The following SYNJ2 variants were observed in gnomAD, a reference collection of about 807,000 sequenced individuals.
SYNJ2 encodes synaptojanin 2, also known as polyphosphatidylinositol phosphatase SYNJ2.
In SYNJ2, 116 loss-of-function variants were observed where a neutral mutation model predicts 141.3. The observed-to-expected ratio is 0.82, with a 90% confidence interval of 0.71 to 0.96. The LOEUF (loss-of-function observed/expected upper bound fraction) is 0.96. Among genes scored for constraint, SYNJ2 ranks in the 40% least tolerant of loss-of-function variants. SYNJ2 has a pLI of 0.00. For missense variants in SYNJ2, 1,873 were observed against 1,934.8 expected, an observed-to-expected ratio of 0.97 and a Z score of 0.60; for synonymous variants, 745 against 777.7, an observed-to-expected ratio of 0.96 and a Z score of 0.70.
At chr6:158,080,495 AAC>A (rs2128387503) in intron 18 of SYNJ2, among the ~76,000 whole-genome samples, 1 of 144,210 alleles carries the variant, frequency 6.9e-6, no homozygotes, top group East Asian at 2.0e-4. Context: ...AAAAAAAAAA[AAC>A]GAGCATTTCC....
chr6:158,005,231 C>T (rs1055635167), intron 1 of SYNJ2, among the ~76,000 whole-genome samples: 12 of 152,192 alleles, frequency 7.9e-5, no homozygotes, highest in South Asian at 2.1e-4. Context: ...GTGCCCGCAA[C>T]GACGCCCGGC....
At position 158,033,584 on chromosome 6, in the gene SYNJ2, C is replaced by G. The variant is rs774619398; in HGVS notation, c.615C>G (p.Leu205=). 1.2e-6 allele frequency: 2 copies of G among 1,614,026 alleles called. No homozygotes were observed. Among genetic ancestry groups the G allele is most frequent in the South Asian group, 2.2e-5 (2 of 91,088 alleles). The change falls in exon 4 of 27, where the codon CTC becomes CTG. Residue 205 remains leucine (L), a synonymous_variant. Coordinates refer to ENST00000355585, the MANE Select transcript of SYNJ2 (RefSeq NM_003898.4). ...CCCACAAGCAGGCCAAGGCCTGCCT[C>G]GTCTCTCGCGTTAGCTGTGAGCGCA... ...YASHKQAKAC[L]VSRVSCERTG...
At chr6:158,041,212 G>A (rs1022365068) in intron 4 of SYNJ2, among the ~76,000 whole-genome samples, 18 of 152,174 alleles carry the variant, frequency 1.2e-4, no homozygotes, top group African/African-American at 4.3e-4. Context: ...ATGGGGGTTT[G>A]CAAAGTGGCA....
At chr6:157,999,437 G>T (rs1176536377) in intron 1 of SYNJ2, among the ~76,000 whole-genome samples, 1 of 152,262 alleles carries the variant, frequency 6.6e-6, no homozygotes, top group Non-Finnish European at 1.5e-5. Flanking sequence ...TGGGATGTTT[G>T]GTTGTCTCTG....
intron 5 of SYNJ2, among the ~76,000 whole-genome samples, chr6:158,054,236 G>C (rs1188267743): frequency 7.1e-6 from 1 of 141,740 alleles, no homozygotes; most frequent in African/African-American, 2.7e-5. Flanking sequence ...CATCCACTCA[G>C]CTATTCATTC....
intron 7 of SYNJ2, chr6:158,059,680 A>G: frequency 1.4e-6 from 1 of 703,566 alleles, no homozygotes; most frequent in Non-Finnish European, 1.8e-6. Context: ...TCAGCCTCCC[A>G]AGTAGCTGGG....
In SYNJ2 at chr6:158,043,868, G is replaced by C. The variant is rs1354019260; in HGVS notation, c.795+469G>C. 6.6e-6 allele frequency among the ~76,000 whole-genome samples: 1 copy of C among 152,200 alleles called. No individual in the cohort carries two copies. Among genetic ancestry groups the C allele is most frequent in the East Asian group, 1.9e-4 (1 of 5,198 alleles). On this transcript the variant is annotated intron_variant, in intron 5 of 26. Coordinates refer to ENST00000355585, the MANE Select transcript of SYNJ2 (RefSeq NM_003898.4). The surrounding 1 kb of genome is among the most constrained non-coding windows in gnomAD (Gnocchi z 4.0). The stretch of plus-strand genomic sequence containing the variant: ...CGTGAGACTTCCACAGCTTTCCCGT[G>C]ATTTCTAAAAATACCCCTTGCCGTC...
chr6:158,062,022 G>A lies in SYNJ2; in HGVS notation c.985G>A (p.Asp329Asn), dbSNP rs147574700. The change falls in exon 8 of 27, where the codon GAC becomes AAC. Residue 329 changes from aspartate (D) to asparagine (N), a missense_variant. Coordinates refer to ENST00000355585, the MANE Select transcript of SYNJ2 (RefSeq NM_003898.4). ...KLLWASCHAG[D>N]TPMINFDFHQ... is the part of the protein sequence containing the mutation. ...GCTCTGGGCTTCTTGCCACGCGGGC[G>A]ACACGCCTATGATCAATTTTGACTT... 4.8e-5 allele frequency: 78 copies of A among 1,613,926 alleles called. No homozygotes were observed. Among genetic ancestry groups the A allele is most frequent in the African/African-American group, 2.4e-4 (18 of 74,918 alleles).
intron 1 of SYNJ2, among the ~76,000 whole-genome samples, chr6:157,984,398 T>G (rs543793140): frequency 2.0e-5 from 3 of 152,322 alleles, no homozygotes; most frequent in Non-Finnish European, 4.4e-5. Context: ...AGAAAGTGAT[T>G]ATTTTTTTTC....
rs1781934096 is a variant in SYNJ2 at position 158,071,668 on chromosome 6, C to T, written c.2007C>T (p.Gly669=). ...GGKAGNKGAV[G]IRFQFHSTSF... is the part of the protein sequence containing the mutation. ...AGGCGGGGAACAAGGGCGCCGTCGG[C>T]ATCCGCTTCCAGTTCCACAGCACCA... Residue 669 remains glycine (G), a synonymous_variant, in exon 15 of 27, where the codon GGC becomes GGT. Coordinates refer to ENST00000355585, the MANE Select transcript of SYNJ2 (RefSeq NM_003898.4). The surrounding 1 kb of genome is among the most constrained non-coding windows in gnomAD (Gnocchi z 4.3). 1 of 1,614,034 alleles carries T rather than the reference C, an allele frequency of 6.2e-7. No individual in the cohort carries two copies. The highest frequency in any genetic ancestry group is 1.7e-5 in the Admixed American group (1 of 60,014).
chr6:158,073,675 G>A (rs748150203), intron 15 of SYNJ2, among the ~76,000 whole-genome samples: 1 of 152,152 alleles, frequency 6.6e-6, no homozygotes, highest in East Asian at 1.9e-4. Context: ...AGAACATTTC[G>A]GTGCTGCAGA....
rs572363158 is a variant in SYNJ2 at position 158,012,555 on chromosome 6, G to A, written c.128-4649G>A. Among the ~76,000 whole-genome samples, 4 of 152,314 alleles carry A rather than the reference G, an allele frequency of 2.6e-5. No homozygotes were observed. The East Asian group carries it at 7.7e-4, about 29-fold the overall frequency. On this transcript the variant is annotated intron_variant, in intron 1 of 26. Coordinates refer to ENST00000355585, the MANE Select transcript of SYNJ2 (RefSeq NM_003898.4). ...AAATGGATTCTGTCCTGCAGCCTTC[G>A]GAGCAGATGCAGACCTGCCGACACC...
rs1460994666 is a variant in SYNJ2, at chr6:158,088,795, C to T, written c.3456+23C>T. On this transcript the variant is annotated intron_variant, in intron 24 of 26. Transcript: ENST00000355585. Reference sequence around the variant, plus strand: ...CCTGTGAGTTCTTCTGCATACATTTCAATCCCAAGGGTTTTGCCCCCGGGA... The same window carrying T: ...CCTGTGAGTTCTTCTGCATACATTTTAATCCCAAGGGTTTTGCCCCCGGGA... The T allele has an allele frequency of 5.1e-6, 8 of 1,559,626 alleles. No homozygotes were observed. In the South Asian group the frequency reaches 6.7e-5, roughly 13 times the overall value.
Position 158,010,429 on chromosome 6 carries a change from C to T in SYNJ2, c.128-6775C>T, listed in dbSNP as rs534038906. On this transcript the variant is annotated intron_variant, in intron 1 of 26. Coordinates refer to ENST00000355585, the MANE Select transcript of SYNJ2 (RefSeq NM_003898.4). ...GGTGGGCAGTGAGGCTGCCAGGCCC[C>T]TGCCTTCTGGGGTGGGGTGCATGCT... Among the ~76,000 whole-genome samples the T allele has an allele frequency of 1.3e-4, 20 of 152,320 alleles. No individual in the cohort carries two copies. In the East Asian group the frequency reaches 3.9e-3, roughly 29 times the overall value.
At position 158,091,750 on chromosome 6, in the gene SYNJ2, A is replaced by AT. The variant is rs1221047921; in HGVS notation, c.3566-1175dup. Among the ~76,000 whole-genome samples the AT allele has an allele frequency of 4.3e-3, 577 of 133,730 alleles. 5 individuals carry two copies. Among genetic ancestry groups the AT allele is most frequent in the African/African-American group, 0.015 (552 of 35,754 alleles). The allele number at this position is 133,730 out of a possible 152,430, so 87.7% of individuals were successfully genotyped here. A position where few individuals can be genotyped will look rare whatever the true frequency, so the allele number is the denominator to read the frequency against. On this transcript the variant is annotated intron_variant, in intron 25 of 26. Coordinates refer to ENST00000355585, the MANE Select transcript of SYNJ2 (RefSeq NM_003898.4). The stretch of plus-strand genomic sequence containing the variant: ...GGGTGACAGAGCTAGACTCTGTCTC[A>AT]TAAAAAAAAAAAAAAAAAAGAATGA...
intron 4 of SYNJ2, among the ~76,000 whole-genome samples, chr6:158,039,169 A>G (rs1395658276): frequency 1.3e-5 from 2 of 152,210 alleles, no homozygotes; most frequent in East Asian, 1.9e-4. Flanking sequence ...GTCACTGAAT[A>G]TTTTTGTTTA....
intron 18 of SYNJ2, chr6:158,078,495 C>G (rs548894723): frequency 1.5e-4 from 54 of 361,432 alleles, no homozygotes; most frequent in African/African-American, 1.0e-3. Context: ...TGTCATTGCT[C>G]CATATCATAA....
Position 158,084,107 on chromosome 6 carries a change from C to G in SYNJ2, c.3141C>G (p.Pro1047=). ...ACGACCTCTCTGATGTCCCCGGCCCCACAGCACTGGCTCCTCCCAGCAAGT... is the reference window on the plus strand; with the variant it reads ...ACGACCTCTCTGATGTCCCCGGCCCGACAGCACTGGCTCCTCCCAGCAAGT... ...GGDDLSDVPG[P]TALAPPSKSP... is the part of the protein sequence containing the mutation. Residue 1047 remains proline (P), a synonymous_variant, in exon 22 of 27, where the codon CCC becomes CCG. Coordinates refer to ENST00000355585, the MANE Select transcript of SYNJ2 (RefSeq NM_003898.4). This position sits in a 1 kb window ranked among gnomAD's most constrained non-coding sequence, Gnocchi z 5.0. The G allele has an allele frequency of 2.5e-6, 4 of 1,614,222 alleles. No homozygotes were observed. The highest frequency in any genetic ancestry group is 3.4e-6 in the Non-Finnish European group (4 of 1,180,040).
In SYNJ2 at chr6:158,083,681, C is replaced by T. The variant is rs559774370; in HGVS notation, c.3034+84C>T. 2.1e-5 allele frequency: 32 copies of T among 1,558,970 alleles called. No individual in the cohort carries two copies. In the African/African-American group the frequency reaches 2.7e-4, roughly 13 times the overall value. ...TTTAAGGACACCTTCTAAAGCCTCC[C>T]TTGCAGAAGTGACGGAGGACACCCG... On this transcript the variant is annotated intron_variant, in intron 21 of 26. Coordinates refer to ENST00000355585, the MANE Select transcript of SYNJ2 (RefSeq NM_003898.4).
Sources: allele counts gnomAD v4.1 joint callset (sites outside exome capture counted in the v4.1 genomes callset), GRCh38; gene constraint gnomAD v4.1.1; non-coding constraint Gnocchi (gnomAD v3.1); transcripts MANE v1.5; gene names NCBI Gene and HGNC (gene_info 2026-07-23, HGNC 2026-07-21).